Variants in NFILZ observed in about 807,000 individuals in gnomAD.
NFILZ encodes NFIL3 like protein.
intron 3 of NFILZ, among the ~76,000 whole-genome samples, chr19:8,659,582 G>C (rs1555748839): frequency 6.6e-6 from 1 of 152,158 alleles, no homozygotes. Flanking sequence ...GTGCAGTCTT[G>C]ATCCGTTAAA....
chr19:8,635,886 G>A (rs2042892127), intron 3 of NFILZ, 140 bp downstream of exon 3: 1 of 151,850 alleles, frequency 6.6e-6, no homozygotes, highest in Non-Finnish European at 1.5e-5. Flanking sequence ...ACCCAAACTG[G>A]AGTGCAATGG....
At chr19:8,660,366 C>A (rs1002444863) in intron 3 of NFILZ, among the ~76,000 whole-genome samples, 4 of 151,888 alleles carry the variant, frequency 2.6e-5, no homozygotes, top group African/African-American at 9.7e-5. Context: ...GGGGAATGGT[C>A]CCTGTTCTCG....
At chr19:8,654,422 A>G (rs2042983162) in intron 3 of NFILZ, among the ~76,000 whole-genome samples, 2 of 151,920 alleles carry the variant, frequency 1.3e-5, no homozygotes, top group Non-Finnish European at 2.9e-5. Context: ...GTTCGAGACC[A>G]GCCTGGGCAA....
At chr19:8,667,825 C>T (rs12611379) in intron 3 of NFILZ, among the ~76,000 whole-genome samples, 29,163 of 152,144 alleles carry the variant, frequency 0.19, 3,170 homozygotes, top group South Asian at 0.35. Flanking sequence ...GGATTATAGG[C>T]GTGAGCCACA....
At chr19:8,670,664 C>A (rs1432842713) in intron 3 of NFILZ, among the ~76,000 whole-genome samples, 1 of 152,146 alleles carries the variant, frequency 6.6e-6, no homozygotes, top group Non-Finnish European at 1.5e-5. Flanking sequence ...TAGAATCCTG[C>A]AAGGCTTTTA....
At chr19:8,631,867 T>TGTGTG (rs782619560) in intron 1 of NFILZ, among the ~76,000 whole-genome samples, 1 of 149,920 alleles carries the variant, frequency 6.7e-6, no homozygotes, top group African/African-American at 2.5e-5. Flanking sequence ...TGTGTGTGTG[T>TGTGTG]TTTGTTTGTT....
At chr19:8,649,642 C>T (rs1177960988) in intron 3 of NFILZ, among the ~76,000 whole-genome samples, 13 of 152,062 alleles carry the variant, frequency 8.5e-5, no homozygotes, top group Admixed American at 8.5e-4. Context: ...TCCTGTTTTA[C>T]TGAACTTTGG....
At chr19:8,659,293 T>A (rs1293785630) in intron 3 of NFILZ, among the ~76,000 whole-genome samples, 1 of 151,824 alleles carries the variant, frequency 6.6e-6, no homozygotes, top group Non-Finnish European at 1.5e-5. Context: ...ATTAATGAAA[T>A]AATTACACAG....
At chr19:8,634,812 C>G (rs552182140) in intron 2 of NFILZ, among the ~76,000 whole-genome samples, 1 of 151,880 alleles carries the variant, frequency 6.6e-6, no homozygotes, top group Non-Finnish European at 1.5e-5. Flanking sequence ...TCCGGGAAGT[C>G]GAGGCTGCAT....
chr19:8,644,215 C>A (rs1600141525), intron 3 of NFILZ, among the ~76,000 whole-genome samples: 1 of 152,106 alleles, frequency 6.6e-6, no homozygotes, highest in Non-Finnish European at 1.5e-5. Context: ...ACTCTCATGC[C>A]TCAGCCTACC....
In NFILZ at chr19:8,653,955, G is replaced by A. The variant is rs554697493; in HGVS notation, c.-164+18209G>A. Among the ~76,000 whole-genome samples the A allele has an allele frequency of 4.3e-4, 66 of 152,282 alleles. No individual in the cohort carries two copies. The South Asian group carries it at 4.6e-3, about 11-fold the overall frequency. On this transcript the variant is annotated intron_variant, in intron 3 of 5. Transcript: ENST00000691075. ...CCATGTAATCAACACCAGGCCAGGCGTGGTGGCTTACACTTGTAATCCCAG... is the reference window on the plus strand; with the variant it reads ...CCATGTAATCAACACCAGGCCAGGCATGGTGGCTTACACTTGTAATCCCAG...
At chr19:8,648,043 G>A (rs1190883143) in intron 3 of NFILZ, among the ~76,000 whole-genome samples, 1 of 151,260 alleles carries the variant, frequency 6.6e-6, no homozygotes, top group African/African-American at 2.4e-5. Flanking sequence ...GCATGGTAGC[G>A]GGTGCCTGTA....
intron 3 of NFILZ, among the ~76,000 whole-genome samples, chr19:8,659,888 A>G (rs1483933615): frequency 6.6e-6 from 1 of 151,992 alleles, no homozygotes; most frequent in Admixed American, 6.6e-5. Flanking sequence ...AGATGGGGGA[A>G]GGACGGCCAC....
intron 3 of NFILZ, among the ~76,000 whole-genome samples, chr19:8,658,466 A>T (rs1395598208): frequency 1.3e-5 from 2 of 152,140 alleles, no homozygotes; most frequent in African/African-American, 4.8e-5. Context: ...AGTGAGGATA[A>T]CAAAAAACAT....
chr19:8,663,716 G>A (rs886984394), intron 3 of NFILZ, among the ~76,000 whole-genome samples: 1 of 144,900 alleles, frequency 6.9e-6, no homozygotes, highest in African/African-American at 2.6e-5. Flanking sequence ...TGGTGTGTGT[G>A]TGTGTTTGTG....
At chr19:8,670,395 C>T (rs1014892612) in intron 3 of NFILZ, among the ~76,000 whole-genome samples, 10 of 152,158 alleles carry the variant, frequency 6.6e-5, no homozygotes, top group African/African-American at 1.9e-4. Context: ...AGCCATTGCA[C>T]CTGGCCCCAT....
intron 2 of NFILZ, among the ~76,000 whole-genome samples, chr19:8,633,963 C>T (rs1449615465): frequency 1.4e-5 from 2 of 141,148 alleles, no homozygotes; most frequent in Non-Finnish European, 3.0e-5. Flanking sequence ...TTCTTTCCTT[C>T]TCTCTCTCTC....
At chr19:8,672,707 T>C (rs1424018574) in intron 3 of NFILZ, among the ~76,000 whole-genome samples, 3 of 146,818 alleles carry the variant, frequency 2.0e-5, no homozygotes, top group Non-Finnish European at 4.4e-5. Context: ...CAGGCATTCA[T>C]TCAAAAAATA....
intron 3 of NFILZ, among the ~76,000 whole-genome samples, chr19:8,642,951 C>CCCT: frequency 5.8e-5 from 1 of 17,330 alleles, no homozygotes; most frequent in Non-Finnish European, 1.0e-4. Context: ...AGGATTTTGA[C>CCCT]TCTTTTTTTT....
Sources: gnomAD v4.1 joint callset for allele counts (sites outside exome capture counted in the v4.1 genomes callset) on GRCh38, gnomAD v4.1.1 for gene constraint, MANE v1.5 for transcripts, NCBI Gene and HGNC (gene_info 2026-07-23, HGNC 2026-07-21) for gene names.